PTPRD: variants seen among roughly 807,000 people sequenced by gnomAD.
PTPRD encodes the protein receptor-type tyrosine-protein phosphatase delta.
PTPRD carries 34 observed loss-of-function variants against 214.5 expected under a neutral mutation model. The ratio of observed to expected loss-of-function variants is 0.16; its 90% confidence interval spans 0.12 to 0.21. The LOEUF (loss-of-function observed/expected upper bound fraction) is 0.21. PTPRD is among the 10% of genes least tolerant of loss of function. The probability of loss-of-function intolerance (pLI) is 1.00; values close to 1 mark genes in which losing one functional copy is unlikely to be tolerated. For synonymous variants in PTPRD, 1,128 were observed against 845.7 expected, an observed-to-expected ratio of 1.33 and a Z score of -5.79; for missense variants, 2,545 against 2,398.7, an observed-to-expected ratio of 1.06 and a Z score of -1.27.
At chr9:9,674,458 A>G (rs1050984041) in intron 7 of PTPRD, among the ~76,000 whole-genome samples, 1 of 151,824 alleles carries the variant, frequency 6.6e-6, no homozygotes, top group South Asian at 2.1e-4. Context: ...TATTTGAAAA[A>G]TTAAAATGTA....
At chr9:9,108,271 C>T (rs2099801409) in intron 10 of PTPRD, among the ~76,000 whole-genome samples, 1 of 152,020 alleles carries the variant, frequency 6.6e-6, no homozygotes, top group Non-Finnish European at 1.5e-5. Flanking sequence ...TCATTTTCTT[C>T]TTTAAATGTA....
At chr9:8,984,737 T>C (rs2099330484) in intron 11 of PTPRD, among the ~76,000 whole-genome samples, 1 of 152,120 alleles carries the variant, frequency 6.6e-6, no homozygotes, top group African/African-American at 2.4e-5. Flanking sequence ...GTCCTTTATG[T>C]AGTAGCCCAG....
At chr9:9,486,402 A>G (rs942921832) in intron 8 of PTPRD, among the ~76,000 whole-genome samples, 5 of 152,214 alleles carry the variant, frequency 3.3e-5, no homozygotes, top group African/African-American at 1.2e-4. Flanking sequence ...GACTTTAACA[A>G]AAAAACAAAA....
intron 2 of PTPRD, among the ~76,000 whole-genome samples, chr9:10,376,803 G>C (rs889337497): frequency 1.3e-5 from 2 of 151,792 alleles, no homozygotes; most frequent in Middle Eastern, 3.4e-3. Context: ...ATACTTATGA[G>C]GTACATGAGA....
At chr9:8,616,422 T>C (rs776438050) in intron 14 of PTPRD, among the ~76,000 whole-genome samples, 4 of 152,112 alleles carry the variant, frequency 2.6e-5, no homozygotes, top group Non-Finnish European at 5.9e-5. Context: ...GTTTGATAAC[T>C]ACCATGTCTT....
chr9:10,324,387 A>T (rs1565297542), intron 3 of PTPRD, among the ~76,000 whole-genome samples: 1 of 152,084 alleles, frequency 6.6e-6, no homozygotes. Flanking sequence ...AATTTTATTC[A>T]TTATTGATGC....
chr9:9,916,907 A>G (rs1344232109), intron 5 of PTPRD, among the ~76,000 whole-genome samples: 1 of 151,952 alleles, frequency 6.6e-6, no homozygotes, highest in Non-Finnish European at 1.5e-5. Context: ...TGATAACAAG[A>G]GGAACATTTG....
At chr9:8,336,483 T>A (rs199521284) in intron 43 of PTPRD, among the ~76,000 whole-genome samples, 1 of 140,928 alleles carries the variant, frequency 7.1e-6, no homozygotes, top group Non-Finnish European at 1.5e-5. Flanking sequence ...TGTAAAATGA[T>A]GAAAACCCCT....
chr9:9,953,123 T>C (rs990716104), intron 4 of PTPRD, among the ~76,000 whole-genome samples: 5 of 152,166 alleles, frequency 3.3e-5, no homozygotes, highest in Non-Finnish European at 7.3e-5. Context: ...ATTTTGTTCA[T>C]ACAGAACCAA....
At chr9:8,816,633 A>C (rs1404030944) in intron 11 of PTPRD, among the ~76,000 whole-genome samples, 1 of 152,182 alleles carries the variant, frequency 6.6e-6, no homozygotes, top group East Asian at 1.9e-4. Flanking sequence ...AGAAAGTATA[A>C]CTCAACTAAA....
intron 11 of PTPRD, among the ~76,000 whole-genome samples, chr9:8,841,739 C>G (rs975706331): frequency 1.3e-5 from 2 of 151,410 alleles, no homozygotes; most frequent in South Asian, 4.2e-4. Context: ...CAGCCTGGCA[C>G]GGTGGCTCAC....
chr9:9,359,725 C>T (rs1429138716), intron 9 of PTPRD, among the ~76,000 whole-genome samples: 2 of 151,166 alleles, frequency 1.3e-5, no homozygotes, highest in African/African-American at 2.4e-5. Flanking sequence ...CAATTAAATT[C>T]CATTTGATGC....
intron 2 of PTPRD, among the ~76,000 whole-genome samples, chr9:10,426,612 C>T (rs1028831069): frequency 6.6e-6 from 1 of 152,064 alleles, no homozygotes. Flanking sequence ...TAACTTCACA[C>T]TGACAAAGAG....
At chr9:8,970,112 T>A (rs2099227782) in intron 11 of PTPRD, among the ~76,000 whole-genome samples, 1 of 151,896 alleles carries the variant, frequency 6.6e-6, no homozygotes, top group African/African-American at 2.4e-5. Context: ...ATGTGTTCAG[T>A]TTATAACTAG....
chr9:9,292,946 G>A (rs1951694115), intron 9 of PTPRD, among the ~76,000 whole-genome samples: 1 of 151,424 alleles, frequency 6.6e-6, no homozygotes, highest in South Asian at 2.1e-4. Context: ...CTATCAACAT[G>A]ATTTATCACT....
At chr9:8,383,544 T>G (rs1348713517) in intron 37 of PTPRD, among the ~76,000 whole-genome samples, 1 of 152,180 alleles carries the variant, frequency 6.6e-6, no homozygotes, top group Non-Finnish European at 1.5e-5. Flanking sequence ...TTTACTAATA[T>G]ATGGCATCAT....
chr9:10,509,100 TA>T (rs2047071023), intron 2 of PTPRD, among the ~76,000 whole-genome samples: 3 of 152,014 alleles, frequency 2.0e-5, no homozygotes, highest in South Asian at 4.1e-4. Flanking sequence ...ATAAAATATT[TA>T]GGGGGATATA....
chr9:9,883,208 A>G (rs1003989594), intron 5 of PTPRD, among the ~76,000 whole-genome samples: 4 of 152,050 alleles, frequency 2.6e-5, no homozygotes, highest in African/African-American at 9.7e-5. Flanking sequence ...AAGATAATAC[A>G]CAAGAAAGAT....
intron 2 of PTPRD, among the ~76,000 whole-genome samples, chr9:10,524,905 A>G (rs2134357330): frequency 6.6e-6 from 1 of 152,050 alleles, no homozygotes; most frequent in Non-Finnish European, 1.5e-5. Flanking sequence ...AATTGTAAAA[A>G]CAAACCAAAA....
Sources: gnomAD v4.1 joint callset for allele counts (sites outside exome capture counted in the v4.1 genomes callset) on GRCh38, gnomAD v4.1.1 for gene constraint, MANE v1.5 for transcripts, NCBI Gene and HGNC (gene_info 2026-07-23, HGNC 2026-07-21) for gene names.